Variants in LACTB observed in about 807,000 individuals in gnomAD.
The protein encoded by LACTB is lactamase beta, also known as serine beta-lactamase-like protein LACTB, mitochondrial.
LACTB carries 35 observed loss-of-function variants against 50.2 expected under a neutral mutation model. The observed-to-expected ratio is 0.70, with a 90% CI of 0.53 to 0.92. The LOEUF is 0.92. Ranked by LOEUF, LACTB falls within the 40% of genes least tolerant of loss-of-function variation. The pLI is 0.00. For synonymous variants in LACTB, 252 were observed against 268.2 expected, an observed-to-expected ratio of 0.94 and a Z score of 0.59; for missense variants, 664 against 691.8, an observed-to-expected ratio of 0.96 and a Z score of 0.45.
intron 1 of LACTB, 186 bp from the exon 2 acceptor site, chr15:63,122,450 C>T (rs2036987758): frequency 1.4e-6 from 1 of 697,536 alleles, no homozygotes; most frequent in Non-Finnish European, 2.5e-6. Flanking sequence ...CCCCTTCCCC[C>T]TAGGGGGCGG....
In LACTB at chr15:63,122,226, A is replaced by G. The variant is rs1236422103; in HGVS notation, c.355A>G (p.Lys119Glu). 1.3e-6 allele frequency: 2 copies of G among 1,558,528 alleles called. No homozygotes were observed. Among genetic ancestry groups the G allele is most frequent in the African/African-American group, 1.4e-5 (1 of 73,486 alleles). Residue 119 changes from lysine to glutamate, a missense_variant and splice_region_variant, in exon 1 of 6, where the codon AAG becomes GAG. Physicochemically the swap from Lys to Glu is moderately conservative, Grantham distance 56. Transcript: ENST00000261893. ...ESSRDLLHRIKDEVGAPGIVV... is the reference protein window; with the variant it reads ...ESSRDLLHRIEDEVGAPGIVV... ...CAGCCGCGACCTGCTGCACAGGATCAAGGTGCGGCCACTGGAGCGGGGGGC... is the reference window on the plus strand; with the variant it reads ...CAGCCGCGACCTGCTGCACAGGATCGAGGTGCGGCCACTGGAGCGGGGGGC...
At chr15:63,129,836 C>T (rs2037106183) in intron 5 of LACTB, 186 bp downstream of exon 5, 2 of 676,538 alleles carry the variant, frequency 3.0e-6, no homozygotes. Flanking sequence ...TACACTAAGA[C>T]CCTTTGATGA....
chr15:63,122,291 G>A, intron 1 of LACTB, 63 bp downstream of exon 1: 1 of 1,380,870 alleles, frequency 7.2e-7, no homozygotes, highest in Admixed American at 2.6e-5. Flanking sequence ...CGGTGCTGTC[G>A]GGGGCTGAGT....
intron 5 of LACTB, among the ~76,000 whole-genome samples, chr15:63,137,893 GTTCAA>G: frequency 6.6e-6 from 1 of 152,272 alleles, no homozygotes; most frequent in African/African-American, 2.4e-5. Context: ...TCTACTGGTA[GTTCAA>G]TTCAAATGTT....
intron 5 of LACTB, chr15:63,131,371 G>T (rs1158746858): frequency 6.6e-6 from 1 of 152,096 alleles, no homozygotes; most frequent in East Asian, 1.9e-4. Flanking sequence ...TTTAGTCAAT[G>T]AGTTATAATC....
intron 5 of LACTB, among the ~76,000 whole-genome samples, chr15:63,139,193 CCAA>C (rs2037203872): frequency 1.8e-5 from 1 of 54,972 alleles, no homozygotes; most frequent in Non-Finnish European, 4.2e-5. Context: ...TACTAAAAAT[CCAA>C]AAAAAAAAAA....
chr15:63,127,365 A>T lies in LACTB; in HGVS notation c.628A>T (p.Thr210Ser), dbSNP rs1291411758. Residue 210 changes from threonine (T) to serine (S), a missense_variant, in exon 4 of 6, where the codon ACA (threonine) becomes TCA (serine). Coordinates refer to ENST00000261893, the MANE Select transcript of LACTB (RefSeq NM_032857.5). Reference sequence around the variant, plus strand: ...TTTTTACAATTAGGTTTCTGTCACAACAAGATTACTGATTTCCCATTTAAG... The same window carrying T: ...TTTTTACAATTAGGTTTCTGTCACATCAAGATTACTGATTTCCCATTTAAG... ...EYEGEKVSVT[T>S]RLLISHLSGI... 3 of 1,563,820 alleles carry T rather than the reference A, an allele frequency of 1.9e-6. No individual in the cohort carries two copies. Among genetic ancestry groups the T allele is most frequent in the Non-Finnish European group, 2.6e-6 (3 of 1,160,186 alleles).
chr15:63,122,313 G>A, intron 1 of LACTB, 85 bp downstream of exon 1: 2 of 1,169,676 alleles, frequency 1.7e-6, no homozygotes, highest in Non-Finnish European at 2.3e-6. Flanking sequence ...GACCCCACCC[G>A]GGGCGGCGGG....
intron 2 of LACTB, among the ~76,000 whole-genome samples, chr15:63,123,960 G>A (rs1354555797): frequency 1.3e-5 from 2 of 152,206 alleles, no homozygotes; most frequent in Non-Finnish European, 2.9e-5. Flanking sequence ...TCCACAAGAG[G>A]TGGAGGAGCA....
At chr15:63,123,246 C>G (rs1444344062) in intron 2 of LACTB, among the ~76,000 whole-genome samples, 1 of 152,138 alleles carries the variant, frequency 6.6e-6, no homozygotes, top group Non-Finnish European at 1.5e-5. Flanking sequence ...CTGAGGAAAG[C>G]GAAACCACAG....
rs766535919 is a variant in LACTB at position 63,141,482 on chromosome 15, G to T, written c.1321G>T (p.Val441Phe). The change falls in exon 6 of 6, where the codon GTT becomes TTT. Residue 441 changes from valine (V) to phenylalanine (F), a missense_variant. By Grantham distance (50) the Val-to-Phe change is conservative. Transcript: ENST00000261893. ...TGGATACCTCAAACCAGAAACAATG[G>T]TTATGATGTGGACCCCAGTCCCTAA... ...LPGYLKPETM[V>F]MMWTPVPNTE... 1.2e-6 allele frequency: 2 copies of T among 1,614,180 alleles called. No homozygotes were observed. The highest frequency in any genetic ancestry group is 3.3e-5 in the Admixed American group (2 of 60,012).
At chr15:63,122,798 TA>T in intron 2 of LACTB, 96 bp downstream of exon 2, 3 of 830,320 alleles carry the variant, frequency 3.6e-6, no homozygotes, top group Non-Finnish European at 6.1e-6. Flanking sequence ...CTATTGCATT[TA>T]CATAAAACGA....
intron 2 of LACTB, among the ~76,000 whole-genome samples, chr15:63,125,134 AC>A (rs2037033105): frequency 6.6e-6 from 1 of 151,628 alleles, no homozygotes; most frequent in Non-Finnish European, 1.5e-5. Flanking sequence ...CAGCTTAGGC[AC>A]CATAGCGACA....
intron 5 of LACTB, among the ~76,000 whole-genome samples, chr15:63,133,484 C>T (rs1237262859): frequency 6.6e-6 from 1 of 152,078 alleles, no homozygotes; most frequent in African/African-American, 2.4e-5. Context: ...ATTAGGCGGG[C>T]ATAGTAGCGC....
At chr15:63,134,628 G>A (rs772836883) in intron 5 of LACTB, among the ~76,000 whole-genome samples, 1 of 152,178 alleles carries the variant, frequency 6.6e-6, no homozygotes, top group East Asian at 1.9e-4. Context: ...AAACTTAGCT[G>A]TATGGTCACA....
In LACTB at chr15:63,123,740, A is replaced by G. The variant is rs894440973; in HGVS notation, c.424+1038A>G. Among the ~76,000 whole-genome samples, 10 of 152,312 alleles carry G rather than the reference A, an allele frequency of 6.6e-5. No homozygotes were observed. The East Asian group carries it at 1.5e-3, about 24-fold the overall frequency. On this transcript the variant is annotated intron_variant, in intron 2 of 5. Coordinates refer to ENST00000261893, the MANE Select transcript of LACTB (RefSeq NM_032857.5). ...CAGCCGAGGCAGAGAGGGAGAGGAGACAGAGGGAAAGACAGCTTATGCCAT... is the reference window on the plus strand; with the variant it reads ...CAGCCGAGGCAGAGAGGGAGAGGAGGCAGAGGGAAAGACAGCTTATGCCAT...
At chr15:63,139,305 G>T (rs561470842) in intron 5 of LACTB, among the ~76,000 whole-genome samples, 41 of 151,770 alleles carry the variant, frequency 2.7e-4, no homozygotes, top group Non-Finnish European at 5.9e-4. Flanking sequence ...ACAGTGAGCT[G>T]AGATTGTGCT....
chr15:63,126,881 G>C lies in LACTB; in HGVS notation c.447G>C (p.Glu149Asp), dbSNP rs1347424920. Residue 149 changes from glutamate to aspartate, a missense_variant, in exon 3 of 6, where the codon GAG becomes GAC. Transcript: ENST00000261893. ...AAGGTTTAGGTTATGCTGATGTTGA[G>C]AACCGTGTACCATGTAAACCAGAGA... is the stretch of plus-strand genomic sequence containing the variant. ...WSEGLGYADV[E>D]NRVPCKPETV... 6.3e-7 allele frequency: 1 copy of C among 1,585,392 alleles called. No homozygotes were observed. The highest frequency in any genetic ancestry group is 2.3e-5 in the East Asian group (1 of 44,102).
intron 2 of LACTB, among the ~76,000 whole-genome samples, chr15:63,124,963 A>C (rs983447557): frequency 2.5e-3 from 25 of 10,066 alleles, no homozygotes; most frequent in African/African-American, 6.2e-3. Context: ...AAAAAAAAGA[A>C]AAAAAAATGT....
Sources: allele counts gnomAD v4.1 joint callset (sites outside exome capture counted in the v4.1 genomes callset), GRCh38; gene constraint gnomAD v4.1.1; transcripts MANE v1.5; gene names NCBI Gene and HGNC (gene_info 2026-07-23, HGNC 2026-07-21).